Variants in RHOBTB1 observed in about 807,000 individuals in gnomAD.
RHOBTB1 encodes rho-related BTB domain-containing protein 1.
In RHOBTB1, 40 loss-of-function variants were observed where a neutral mutation model predicts 71.6. The ratio of observed to expected loss-of-function variants is 0.56; its 90% CI spans 0.43 to 0.73. The LOEUF (loss-of-function observed/expected upper bound fraction) is 0.73. Ranked by LOEUF, RHOBTB1 falls within the 30% of genes least tolerant of loss-of-function variation. RHOBTB1 has a pLI of 0.00. For synonymous variants in RHOBTB1, 319 were observed against 334.9 expected, an observed-to-expected ratio of 0.95 and a Z score of 0.52; for missense variants, 797 against 894.0, an observed-to-expected ratio of 0.89 and a Z score of 1.38.
chr10:60,897,430 A>C (rs886263760), intron 4 of RHOBTB1, among the ~76,000 whole-genome samples: 1 of 152,188 alleles, frequency 6.6e-6, no homozygotes, highest in African/African-American at 2.4e-5. Flanking sequence ...TTCTAGTATC[A>C]TTTATTTTGC....
At chr10:60,902,964 CTAGGATAA>C (rs1219577537) in intron 4 of RHOBTB1, among the ~76,000 whole-genome samples, 3 of 152,072 alleles carry the variant, frequency 2.0e-5, no homozygotes, top group Non-Finnish European at 4.4e-5. Flanking sequence ...CCTAAATATA[CTAGGATAA>C]TAGGATAAGG....
intron 7 of RHOBTB1, among the ~76,000 whole-genome samples, chr10:60,878,444 T>C (rs2081152160): frequency 6.6e-6 from 1 of 152,190 alleles, no homozygotes; most frequent in Non-Finnish European, 1.5e-5. Flanking sequence ...AACCACACTG[T>C]TGCTGACATG....
intron 2 of RHOBTB1, among the ~76,000 whole-genome samples, chr10:60,984,325 AT>A (rs1438795205): frequency 6.6e-6 from 1 of 152,226 alleles, no homozygotes; most frequent in Non-Finnish European, 1.5e-5. Flanking sequence ...AACTAAAAAA[AT>A]AACATTTAAT....
upstream of RHOBTB1, chr10:60,944,199 G>C (rs1231785263): frequency 1.3e-5 from 2 of 152,016 alleles, no homozygotes; most frequent in Non-Finnish European, 2.9e-5. Flanking sequence ...GGGCGAGAGG[G>C]GCTCGCCCCT....
chr10:60,904,615 G>A (rs954156282), intron 4 of RHOBTB1, among the ~76,000 whole-genome samples: 4 of 152,314 alleles, frequency 2.6e-5, no homozygotes, highest in African/African-American at 7.2e-5. Context: ...TTGGTAACGA[G>A]TATCAGAAAA....
intron 7 of RHOBTB1, among the ~76,000 whole-genome samples, chr10:60,884,303 T>A (rs934000511): frequency 1.3e-4 from 20 of 152,210 alleles, no homozygotes; most frequent in African/African-American, 4.8e-4. Context: ...TAGCTATTGT[T>A]TTTTGCATTT....
At chr10:60,954,306 A>G (rs1165117412) in intron 2 of RHOBTB1, among the ~76,000 whole-genome samples, 1 of 152,242 alleles carries the variant, frequency 6.6e-6, no homozygotes, top group Non-Finnish European at 1.5e-5. Flanking sequence ...CCAGAGTACC[A>G]GGGTTATTAC....
At chr10:60,983,513 T>C (rs1304412286) in intron 2 of RHOBTB1, among the ~76,000 whole-genome samples, 2 of 152,200 alleles carry the variant, frequency 1.3e-5, no homozygotes, top group East Asian at 3.8e-4. Context: ...GATTTTAGGA[T>C]ATCATTTCTT....
At chr10:60,880,693 T>A (rs185843943) in intron 7 of RHOBTB1, among the ~76,000 whole-genome samples, 194 of 152,318 alleles carry the variant, frequency 1.3e-3, no homozygotes, top group South Asian at 2.7e-3. Flanking sequence ...GTAGCTGTTG[T>A]GCATGCTAGA....
At chr10:60,946,150 C>G (rs1368651611), upstream of RHOBTB1, among the ~76,000 whole-genome samples, 1 of 151,586 alleles carries the variant, frequency 6.6e-6, no homozygotes, top group African/African-American at 2.4e-5. Flanking sequence ...TGCACTCCAG[C>G]CTGGGCGACA....
chr10:60,942,183 C>T (rs904934802), intron 1 of RHOBTB1, among the ~76,000 whole-genome samples: 1 of 152,142 alleles, frequency 6.6e-6, no homozygotes, highest in East Asian at 1.9e-4. Context: ...AGGCATTTTA[C>T]AATACAGAAC....
At chr10:60,880,200 T>TGA (rs1374462278) in intron 7 of RHOBTB1, among the ~76,000 whole-genome samples, 203 of 138,302 alleles carry the variant, frequency 1.5e-3, no homozygotes, top group African/African-American at 4.1e-3. Flanking sequence ...TGTGTGTGTG[T>TGA]GTGAGAGAGA....
At chr10:60,984,679 C>T (rs1001998903) in intron 2 of RHOBTB1, among the ~76,000 whole-genome samples, 4 of 152,168 alleles carry the variant, frequency 2.6e-5, no homozygotes, top group Admixed American at 6.5e-5. Flanking sequence ...TTTATGCACA[C>T]ATGGTAATAT....
chr10:60,881,820 G>C (rs892226945), intron 7 of RHOBTB1, among the ~76,000 whole-genome samples: 4 of 152,144 alleles, frequency 2.6e-5, no homozygotes, highest in African/African-American at 7.2e-5. Flanking sequence ...ACAGATTCCA[G>C]TGAGCAGCCC....
At chr10:60,880,830 T>C (rs925790458) in intron 7 of RHOBTB1, among the ~76,000 whole-genome samples, 2 of 152,264 alleles carry the variant, frequency 1.3e-5, no homozygotes, top group African/African-American at 4.8e-5. Context: ...CATACATATA[T>C]GTTTACATAC....
intron 4 of RHOBTB1, among the ~76,000 whole-genome samples, chr10:60,906,228 C>T (rs1263431916): frequency 6.6e-6 from 1 of 152,206 alleles, no homozygotes; most frequent in African/African-American, 2.4e-5. Flanking sequence ...CCAAGATTCC[C>T]ATTCACTCTC....
chr10:60,888,932 G>T lies in RHOBTB1; in HGVS notation c.736C>A (p.Pro246Thr). Reference sequence around the variant, plus strand: ...TTTGTCCCCATGGAAGGACACTCTGGAATTTTGATGACCGGTGGAGGGGCT... The same window carrying T: ...TTTGTCCCCATGGAAGGACACTCTGTAATTTTGATGACCGGTGGAGGGGCT... ...PKAPPPVIKI[P>T]ECPSMGTNEA... The change falls in exon 6 of 11, where the codon CCA (proline) becomes ACA (threonine). Residue 246 changes from proline (P) to threonine (T), a missense_variant. Physicochemically the swap from Pro to Thr is conservative, Grantham distance 38. Around this residue, in one of 2 missense-constraint regions of RHOBTB1, gnomAD observed 658 missense variants for 681.5 expected, o/e 0.97. Transcript: ENST00000337910. 6.2e-7 allele frequency: 1 copy of T among 1,614,156 alleles called. No individual in the cohort carries two copies.
chr10:60,868,786 C>G (rs2080655491), downstream of RHOBTB1, among the ~76,000 whole-genome samples: 1 of 152,158 alleles, frequency 6.6e-6, no homozygotes, highest in African/African-American at 2.4e-5. Flanking sequence ...TAAGAAGAAA[C>G]CGGTATACTT....
chr10:60,871,627 T>G lies in RHOBTB1; in HGVS notation c.1946A>C (p.His649Pro). ...CAGGTACCACACAGGGGGCCAGCGGTGCCGCTCGAAGTATTCCTGGTTGTC... is the reference window on the plus strand; with the variant it reads ...CAGGTACCACACAGGGGGCCAGCGGGGCCGCTCGAAGTATTCCTGGTTGTC... The part of the protein sequence containing the change: ...SADNQEYFER[H>P]RWPPVWYLKE... Residue 649 changes from histidine to proline, a missense_variant, in exon 11 of 11, where the codon CAC (histidine) becomes CCC (proline). His to Pro is a moderately conservative substitution (Grantham distance 77). Around this residue, in one of 2 missense-constraint regions of RHOBTB1, gnomAD observed 658 missense variants for 681.5 expected, o/e 0.97. Transcript: ENST00000337910. 1 of 1,614,020 alleles carries G rather than the reference T, an allele frequency of 6.2e-7. No homozygotes were observed. Among genetic ancestry groups the G allele is most frequent in the Non-Finnish European group, 8.5e-7 (1 of 1,179,974 alleles).
Sources: allele counts gnomAD v4.1 joint callset (sites outside exome capture counted in the v4.1 genomes callset), GRCh38; gene constraint gnomAD v4.1.1; regional missense constraint gnomAD v4.1.1; transcripts MANE v1.5; gene names NCBI Gene and HGNC (gene_info 2026-07-23, HGNC 2026-07-21).